The following ULK4 variants were observed in gnomAD, a reference collection of about 807,000 sequenced individuals.
ULK4 encodes unc-51 like kinase 4.
A neutral mutation model predicts 160.6 loss-of-function variants in ULK4; 133 were observed. The observed-to-expected ratio is 0.83, with a 90% CI of 0.72 to 0.96. The LOEUF is 0.96. Among genes scored for constraint, ULK4 ranks in the 40% least tolerant of loss-of-function variants. ULK4 has a pLI of 0.00. For missense variants in ULK4, 1,580 were observed against 1,499.5 expected (o/e 1.05, Z -0.89); for synonymous variants, 534 against 539.8 (o/e 0.99, Z 0.15).
chr3:41,872,937 G>A (rs754409040), intron 17 of ULK4, among the ~76,000 whole-genome samples: 4 of 152,018 alleles, frequency 2.6e-5, no homozygotes, highest in Non-Finnish European at 4.4e-5. Flanking sequence ...GGTGGATCAC[G>A]AGGTCAGGAG....
chr3:41,343,164 T>C (rs1257846024), intron 35 of ULK4, among the ~76,000 whole-genome samples: 1 of 152,062 alleles, frequency 6.6e-6, no homozygotes, highest in African/African-American at 2.4e-5. Flanking sequence ...GTATTAGAAG[T>C]TTTGGCCAGG....
intron 27 of ULK4, among the ~76,000 whole-genome samples, chr3:41,685,239 G>T (rs184413645): frequency 6.6e-6 from 1 of 152,200 alleles, no homozygotes; most frequent in African/African-American, 2.4e-5. Context: ...ACAATAACTT[G>T]TTCAGCAGGA....
intron 31 of ULK4, among the ~76,000 whole-genome samples, chr3:41,611,487 G>T (rs1044645576): frequency 6.6e-6 from 1 of 152,170 alleles, no homozygotes; most frequent in African/African-American, 2.4e-5. Context: ...ACATCGGATC[G>T]AACATCTGAG....
intron 34 of ULK4, among the ~76,000 whole-genome samples, chr3:41,431,547 C>CTTTTTTTTTTTT (rs1553664758): frequency 6.3e-5 from 6 of 95,852 alleles, no homozygotes; most frequent in Non-Finnish European, 8.1e-5. Context: ...AATTCCCTCC[C>CTTTTTTTTTTTT]TTTTTTTTTT....
intron 35 of ULK4, chr3:41,277,884 T>C (rs2079257373): frequency 6.6e-6 from 1 of 152,288 alleles, no homozygotes; most frequent in Non-Finnish European, 1.5e-5. Flanking sequence ...GTGAGATCGA[T>C]GCAGAAGACA....
intron 35 of ULK4, among the ~76,000 whole-genome samples, chr3:41,281,216 T>C (rs987709221): frequency 6.6e-6 from 1 of 152,118 alleles, no homozygotes; most frequent in African/African-American, 2.4e-5. Flanking sequence ...AGAATTCTAC[T>C]AGAGGTACAA....
At position 41,916,027 on chromosome 3, in the gene ULK4, T is replaced by C; in HGVS notation, c.753A>G (p.Ser251=). Residue 251 remains serine, a synonymous_variant, in exon 8 of 37, where the codon TCA becomes TCG. Coordinates refer to ENST00000301831, the MANE Select transcript of ULK4 (RefSeq NM_017886.4). ...PKDSSRPKAS[S]DFINLLDGLL... ...ACCCATCAAGCAAATTAATAAAATCTGAAGAAGCTTTAGGACGAGAAGAAT... is the reference window on the plus strand; with the variant it reads ...ACCCATCAAGCAAATTAATAAAATCCGAAGAAGCTTTAGGACGAGAAGAAT... 1.3e-6 allele frequency: 2 copies of C among 1,592,730 alleles called. No homozygotes were observed. The highest frequency in any genetic ancestry group is 1.7e-6 in the Non-Finnish European group (2 of 1,174,778).
chr3:41,274,405 A>G (rs751848120), intron 35 of ULK4, among the ~76,000 whole-genome samples: 2 of 152,196 alleles, frequency 1.3e-5, no homozygotes, highest in Non-Finnish European at 2.9e-5. Flanking sequence ...ATTGTTCCCT[A>G]AAAATTCTGT....
intron 35 of ULK4, among the ~76,000 whole-genome samples, chr3:41,285,932 T>C (rs371786314): frequency 1.3e-5 from 2 of 152,128 alleles, no homozygotes; most frequent in South Asian, 4.1e-4. Context: ...TGGGGTAGCA[T>C]ACAAAAAGAT....
intron 17 of ULK4, chr3:41,854,966 A>C (rs2125677090): frequency 7.5e-6 from 1 of 133,630 alleles, no homozygotes; most frequent in African/African-American, 3.0e-5. Flanking sequence ...AAAAAAAAAA[A>C]AAAAAAAAAC....
chr3:41,327,414 C>G (rs2080358838), intron 35 of ULK4, among the ~76,000 whole-genome samples: 1 of 152,130 alleles, frequency 6.6e-6, no homozygotes, highest in South Asian at 2.1e-4. Flanking sequence ...AGAGTCTCTA[C>G]TACCTCTTAT....
At chr3:41,717,956 A>G in intron 22 of ULK4, 95 bp from the exon 23 acceptor site, 1 of 1,436,994 alleles carries the variant, frequency 7.0e-7, no homozygotes, top group Non-Finnish European at 9.5e-7. Flanking sequence ...TCCAGAGGGC[A>G]CCCTCCCAAT....
intron 17 of ULK4, among the ~76,000 whole-genome samples, chr3:41,841,560 C>T (rs1355620104): frequency 6.6e-6 from 1 of 151,896 alleles, no homozygotes; most frequent in African/African-American, 2.4e-5. Flanking sequence ...GGGAGCACCT[C>T]TGCCCGGCAG....
chr3:41,754,525 T>A lies in ULK4; in HGVS notation c.2194-37A>T, dbSNP rs1559528894. 11 of 1,593,134 alleles carry A rather than the reference T, an allele frequency of 6.9e-6. No homozygotes were observed. In the Admixed American group the frequency reaches 7.2e-5, roughly 10 times the overall value. The stretch of plus-strand genomic sequence containing the variant: ...ATTTAAACAATTTTTTGAGAGAACA[T>A]AAAAAAATAGGGCAGTCTCAATTCT... On this transcript the variant is annotated intron_variant, in intron 21 of 36. Transcript: ENST00000301831.
At chr3:41,866,589 C>G (rs1696895223) in intron 17 of ULK4, among the ~76,000 whole-genome samples, 1 of 152,184 alleles carries the variant, frequency 6.6e-6, no homozygotes, top group Non-Finnish European at 1.5e-5. Flanking sequence ...ACTGGCCCAC[C>G]ACTCACCTCC....
intron 32 of ULK4, among the ~76,000 whole-genome samples, chr3:41,506,204 C>T (rs770240068): frequency 1.3e-5 from 2 of 152,086 alleles, no homozygotes; most frequent in Non-Finnish European, 2.9e-5. Context: ...TCTGCTAGCA[C>T]TCACATAAAT....
chr3:41,802,355 T>C (rs2040487538), intron 19 of ULK4, among the ~76,000 whole-genome samples: 1 of 152,224 alleles, frequency 6.6e-6, no homozygotes, highest in South Asian at 2.1e-4. Flanking sequence ...TGAAGTACAA[T>C]GGCAGGATCA....
intron 32 of ULK4, among the ~76,000 whole-genome samples, chr3:41,528,267 T>G (rs529688137): frequency 1.3e-5 from 2 of 152,350 alleles, no homozygotes; most frequent in Admixed American, 6.5e-5. Flanking sequence ...AATCACTTTT[T>G]ACTCCTACAC....
Position 41,705,162 on chromosome 3 carries a change from A to T in ULK4, c.2687-11T>A, listed in dbSNP as rs1235760123. On this transcript the variant is annotated splice_polypyrimidine_tract_variant and intron_variant, in intron 26 of 36. Transcript: ENST00000301831. ...CTGATGCTGTCAGTCCTAGAAATAC[A>T]GTTAATTATTATAGGTGTTTATTTA... 1 of 1,610,234 alleles carries T rather than the reference A, an allele frequency of 6.2e-7. No individual in the cohort carries two copies. The highest frequency in any genetic ancestry group is 1.1e-5 in the South Asian group (1 of 90,392).
Sources: allele counts gnomAD v4.1 joint callset (sites outside exome capture counted in the v4.1 genomes callset), GRCh38; gene constraint gnomAD v4.1.1; transcripts MANE v1.5; gene names NCBI Gene and HGNC (gene_info 2026-07-23, HGNC 2026-07-21).